The following RANBP2 variants were observed in gnomAD, a reference collection of about 807,000 sequenced individuals.
RANBP2 encodes the protein E3 SUMO-protein ligase RanBP2.
A neutral mutation model predicts 303.6 loss-of-function variants in RANBP2; 57 were observed. The observed-to-expected ratio is 0.19, with a 90% confidence interval of 0.15 to 0.23. The LOEUF (loss-of-function observed/expected upper bound fraction) is 0.23. Ranked by LOEUF, RANBP2 falls within the 10% of genes least tolerant of loss-of-function variation. The pLI is 1.00. For missense variants in RANBP2, 3,138 were observed against 3,780.8 expected (o/e 0.83, Z 4.46); for synonymous variants, 1,167 against 1,301.5 (o/e 0.90, Z 2.23).
chr2:109,234,675 G>C, the RANBP2 span, among the ~76,000 whole-genome samples: 1 of 152,174 alleles, frequency 6.6e-6, no homozygotes, highest in Admixed American at 6.6e-5. Flanking sequence ...GATCTCACAG[G>C]GGTGTGGGCT....
At chr2:108,743,256 T>C (rs564738054) in intron 7 of RANBP2, among the ~76,000 whole-genome samples, 7 of 152,262 alleles carry the variant, frequency 4.6e-5, no homozygotes, top group Admixed American at 1.3e-4. Flanking sequence ...TGAGCTACTA[T>C]GCACAGCCTA....
chr2:109,096,087 T>G, the RANBP2 span, among the ~76,000 whole-genome samples: 2 of 152,166 alleles, frequency 1.3e-5, no homozygotes, highest in Admixed American at 1.3e-4. Flanking sequence ...CTTACGGTGA[T>G]GTGAGATTCT....
chr2:109,184,648 A>G, the RANBP2 span, among the ~76,000 whole-genome samples: 1 of 152,106 alleles, frequency 6.6e-6, no homozygotes. Context: ...AGCTGGTCCC[A>G]CCAGAGGTCC....
the RANBP2 span, among the ~76,000 whole-genome samples, chr2:109,142,047 G>GC: frequency 4.0e-5 from 6 of 151,270 alleles, no homozygotes; most frequent in South Asian, 4.2e-4. Flanking sequence ...GTCTCCTGGG[G>GC]GGGGGGTCTC....
the RANBP2 span, among the ~76,000 whole-genome samples, chr2:109,638,876 C>T: frequency 6.6e-6 from 1 of 152,088 alleles, no homozygotes; most frequent in African/African-American, 2.4e-5. Context: ...GGTTCTTTTG[C>T]CAACCCCCTG....
the RANBP2 span, among the ~76,000 whole-genome samples, chr2:109,150,656 G>A: frequency 6.6e-6 from 1 of 152,096 alleles, no homozygotes; most frequent in Non-Finnish European, 1.5e-5. Context: ...CTGAGCTCAG[G>A]CTGCCTCTGG....
chr2:109,081,339 A>G, the RANBP2 span, among the ~76,000 whole-genome samples: 1 of 152,168 alleles, frequency 6.6e-6, no homozygotes, highest in African/African-American at 2.4e-5. Flanking sequence ...AAGGAAATAT[A>G]CATCACCTCC....
chr2:108,986,337 A>C, the RANBP2 span, among the ~76,000 whole-genome samples: 2 of 152,164 alleles, frequency 1.3e-5, no homozygotes, highest in Non-Finnish European at 1.5e-5. Context: ...ACAGGAGATG[A>C]GTGTGTCTGG....
chr2:109,307,435 T>TAA, the RANBP2 span, among the ~76,000 whole-genome samples: 5 of 150,356 alleles, frequency 3.3e-5, no homozygotes, highest in African/African-American at 4.9e-5. Context: ...TTTTTTTTAT[T>TAA]ATTATACTTT....
chr2:109,478,234 T>G, the RANBP2 span, among the ~76,000 whole-genome samples: 3 of 152,254 alleles, frequency 2.0e-5, no homozygotes, highest in Admixed American at 2.0e-4. Context: ...AGTGTATTTT[T>G]CATTCCTTCT....
At chr2:109,131,213 T>C in the RANBP2 span, among the ~76,000 whole-genome samples, 1 of 152,146 alleles carries the variant, frequency 6.6e-6, no homozygotes, top group Admixed American at 6.5e-5. Flanking sequence ...CCCTTGGATG[T>C]TGAGCTTGAG....
the RANBP2 span, among the ~76,000 whole-genome samples, chr2:109,563,538 T>G: frequency 6.6e-6 from 1 of 152,226 alleles, no homozygotes; most frequent in Non-Finnish European, 1.5e-5. Context: ...TACATCAAAT[T>G]GATCTGATTC....
At chr2:109,264,988 C>T in the RANBP2 span, among the ~76,000 whole-genome samples, 5 of 152,164 alleles carry the variant, frequency 3.3e-5, no homozygotes, top group African/African-American at 7.2e-5. Context: ...CAGAGATAGC[C>T]GCATGCTCTG....
chr2:108,827,639 A>G, the RANBP2 span, among the ~76,000 whole-genome samples: 2 of 152,074 alleles, frequency 1.3e-5, no homozygotes, highest in African/African-American at 2.4e-5. Flanking sequence ...ACACAGTGAA[A>G]CCCCGTCTCT....
the RANBP2 span, among the ~76,000 whole-genome samples, chr2:109,007,895 C>T: frequency 1.3e-5 from 2 of 151,746 alleles, no homozygotes; most frequent in Non-Finnish European, 2.9e-5. Flanking sequence ...GAAATCTAAA[C>T]CTGTTAGCAG....
the RANBP2 span, among the ~76,000 whole-genome samples, chr2:108,914,088 G>T: frequency 6.6e-6 from 1 of 151,550 alleles, no homozygotes; most frequent in East Asian, 1.9e-4. Flanking sequence ...TGGTGAAACC[G>T]CATCTCTACT....
At chr2:108,957,784 T>A in the RANBP2 span, among the ~76,000 whole-genome samples, 2 of 152,236 alleles carry the variant, frequency 1.3e-5, no homozygotes, top group Non-Finnish European at 2.9e-5. Flanking sequence ...GCAAAGGGTA[T>A]TTCTTTCCCC....
the RANBP2 span, among the ~76,000 whole-genome samples, chr2:109,664,280 T>C: frequency 6.6e-6 from 1 of 152,130 alleles, no homozygotes; most frequent in Non-Finnish European, 1.5e-5. Flanking sequence ...CAGCCAGAAA[T>C]AACCTTTATG....
chr2:109,614,144 G>T, the RANBP2 span: 9 of 1,200,382 alleles, frequency 7.5e-6, no homozygotes, highest in Middle Eastern at 6.5e-4. Flanking sequence ...CCAGGAAGAC[G>T]GCGCGAGGAA....
Sources: allele counts gnomAD v4.1 joint callset (sites outside exome capture counted in the v4.1 genomes callset), GRCh38; gene constraint gnomAD v4.1.1; transcripts MANE v1.5; gene names NCBI Gene and HGNC (gene_info 2026-07-23, HGNC 2026-07-21).